SPTLC3: variants seen among roughly 807,000 people sequenced by gnomAD.
SPTLC3 encodes the protein serine palmitoyltransferase 3.
A neutral mutation model predicts 59.3 loss-of-function variants in SPTLC3; 36 were observed. The observed-to-expected ratio is 0.61, with a 90% CI of 0.47 to 0.80. The LOEUF is 0.80. Ranked by LOEUF, SPTLC3 falls within the 30% of genes least tolerant of loss-of-function variation. The pLI, the probability that SPTLC3 is intolerant of heterozygous loss-of-function variation, is 0.00. For synonymous variants in SPTLC3, 257 were observed against 240.8 expected, an observed-to-expected ratio of 1.07 and a Z score of -0.62; for missense variants, 625 against 685.1, an observed-to-expected ratio of 0.91 and a Z score of 0.98.
At chr20:13,105,803 C>T (rs1989858752) in intron 6 of SPTLC3, among the ~76,000 whole-genome samples, 1 of 152,122 alleles carries the variant, frequency 6.6e-6, no homozygotes, top group African/African-American at 2.4e-5. Context: ...TTCACCATCT[C>T]TTTATTCCAT....
intron 7 of SPTLC3, among the ~76,000 whole-genome samples, chr20:13,113,891 G>T (rs981773648): frequency 6.6e-6 from 1 of 152,170 alleles, no homozygotes; most frequent in African/African-American, 2.4e-5. Flanking sequence ...AACTCACACT[G>T]ACCATGTGTC....
At chr20:13,077,925 G>A (rs531621436) in intron 4 of SPTLC3, among the ~76,000 whole-genome samples, 1 of 151,832 alleles carries the variant, frequency 6.6e-6, no homozygotes, top group East Asian at 1.9e-4. Context: ...GGATTATAGG[G>A]AGGAGCCACC....
intron 9 of SPTLC3, among the ~76,000 whole-genome samples, chr20:13,140,065 A>G (rs2038344035): frequency 6.6e-6 from 1 of 152,198 alleles, no homozygotes; most frequent in African/African-American, 2.4e-5. Flanking sequence ...TAGACCCTGA[A>G]GATAATAATT....
At chr20:13,099,654 A>G (rs1466239105) in intron 6 of SPTLC3, among the ~76,000 whole-genome samples, 1 of 152,218 alleles carries the variant, frequency 6.6e-6, no homozygotes, top group Non-Finnish European at 1.5e-5. Flanking sequence ...TTGAGAGGTG[A>G]GGGAAGCAAG....
rs367618313 is a variant in SPTLC3, at chr20:13,022,132, G to A, written c.117+12748G>A. ...ACAGTCTTCCCCATCTCAATAAATG[G>A]CAACTCTATCCTTCTTGTGGCTCAA... is the stretch of plus-strand genomic sequence containing the variant. On this transcript the variant is annotated intron_variant, in intron 1 of 11. Transcript: ENST00000399002. 1.7e-4 allele frequency among the ~76,000 whole-genome samples: 26 copies of A among 152,160 alleles called. No individual in the cohort carries two copies. The East Asian group carries it at 2.3e-3, about 14-fold the overall frequency.
At chr20:13,129,857 C>A (rs1040930216) in intron 9 of SPTLC3, among the ~76,000 whole-genome samples, 1 of 152,096 alleles carries the variant, frequency 6.6e-6, no homozygotes, top group African/African-American at 2.4e-5. Flanking sequence ...TCTCTCTTAG[C>A]CTTATACCTA....
At chr20:13,026,118 C>A (rs1319199195) in intron 1 of SPTLC3, among the ~76,000 whole-genome samples, 1 of 152,114 alleles carries the variant, frequency 6.6e-6, no homozygotes, top group Non-Finnish European at 1.5e-5. Flanking sequence ...TTTCTTTATC[C>A]AGTTTGTCAC....
chr20:13,056,890 C>G (rs1261208784), intron 2 of SPTLC3, among the ~76,000 whole-genome samples: 4 of 151,898 alleles, frequency 2.6e-5, no homozygotes, highest in Non-Finnish European at 4.4e-5. Context: ...TACAGGCGTG[C>G]AACACCATGC....
intron 8 of SPTLC3, among the ~76,000 whole-genome samples, chr20:13,123,538 A>G (rs1044397969): frequency 6.6e-6 from 1 of 152,188 alleles, no homozygotes; most frequent in African/African-American, 2.4e-5. Flanking sequence ...TAAGTGGCAA[A>G]GCCAGGATTT....
intron 9 of SPTLC3, among the ~76,000 whole-genome samples, chr20:13,153,751 G>A (rs767828864): frequency 1.3e-5 from 2 of 152,082 alleles, no homozygotes; most frequent in Non-Finnish European, 1.5e-5. Context: ...GCCCTCTAGC[G>A]TATCCTGGCT....
chr20:13,118,849 G>C (rs191221775), intron 8 of SPTLC3, among the ~76,000 whole-genome samples: 1 of 152,380 alleles, frequency 6.6e-6, no homozygotes, highest in Non-Finnish European at 1.5e-5. Context: ...TAAAACAACA[G>C]ATTTAATTCT....
At chr20:13,035,640 A>C (rs1430241648) in intron 1 of SPTLC3, among the ~76,000 whole-genome samples, 1 of 152,180 alleles carries the variant, frequency 6.6e-6, no homozygotes, top group Non-Finnish European at 1.5e-5. Flanking sequence ...CAAAACAAAA[A>C]TACAATTATC....
intron 7 of SPTLC3, among the ~76,000 whole-genome samples, chr20:13,114,112 C>T (rs1309879346): frequency 1.3e-5 from 2 of 152,214 alleles, no homozygotes; most frequent in African/African-American, 2.4e-5. Context: ...CATGTGTCCA[C>T]ATCCAATGAA....
chr20:13,096,740 C>T (rs1230749734), intron 6 of SPTLC3, among the ~76,000 whole-genome samples: 2 of 152,082 alleles, frequency 1.3e-5, no homozygotes, highest in African/African-American at 4.8e-5. Flanking sequence ...GAATTGTACA[C>T]TTAATATTTG....
chr20:13,108,770 T>A (rs928600198), intron 6 of SPTLC3, among the ~76,000 whole-genome samples: 3 of 152,180 alleles, frequency 2.0e-5, no homozygotes, highest in African/African-American at 7.2e-5. Context: ...GAGACTGGGT[T>A]TCACCATGTT....
chr20:13,093,539 G>T lies in SPTLC3; in HGVS notation c.788G>T (p.Arg263Leu). 6.2e-7 allele frequency: 1 copy of T among 1,613,488 alleles called. No homozygotes were observed. The highest frequency in any genetic ancestry group is 1.1e-5 in the South Asian group (1 of 91,048). Residue 263 changes from arginine (R) to leucine (L), a missense_variant, in exon 6 of 12, where the codon CGA becomes CTA. Coordinates refer to ENST00000399002, the MANE Select transcript of SPTLC3 (RefSeq NM_018327.4). ...CACACATCGCTTGTGCTTGGGGCCC[G>T]ACTCTCAGGTGCAACCATAAGAATC... ...LNHTSLVLGA[R>L]LSGATIRIFK...
At chr20:13,150,363 C>CAT (rs777607359) in intron 9 of SPTLC3, among the ~76,000 whole-genome samples, 7 of 152,100 alleles carry the variant, frequency 4.6e-5, no homozygotes, top group East Asian at 3.9e-4. Context: ...TGTGTCTAAG[C>CAT]ATATATATAT....
chr20:13,017,888 C>G (rs1044467993), intron 1 of SPTLC3, among the ~76,000 whole-genome samples: 1 of 152,164 alleles, frequency 6.6e-6, no homozygotes, highest in Non-Finnish European at 1.5e-5. Flanking sequence ...GAGTCAGTTA[C>G]AAGAAGACTC....
chr20:13,119,077 C>T (rs2327752), intron 8 of SPTLC3, among the ~76,000 whole-genome samples: 59,767 of 151,712 alleles, frequency 0.39, 11,720 homozygotes, highest in Admixed American at 0.41. Flanking sequence ...GTTAAATGTT[C>T]CCTTCCTAGA....
Sources: allele counts gnomAD v4.1 joint callset (sites outside exome capture counted in the v4.1 genomes callset), GRCh38; gene constraint gnomAD v4.1.1; transcripts MANE v1.5; gene names NCBI Gene and HGNC (gene_info 2026-07-23, HGNC 2026-07-21).